The following APLF variants were observed in gnomAD, a reference collection of about 807,000 sequenced individuals.
The protein encoded by APLF is aprataxin and PNK-like factor.
In APLF, 61 loss-of-function variants were observed where a neutral mutation model predicts 55.6. The ratio of observed to expected loss-of-function variants is 1.10; its 90% CI spans 0.89 to 1.36. APLF has a LOEUF of 1.36. APLF is among the 40% of genes most tolerant of loss of function. APLF has a pLI of 0.00. For missense variants in APLF, 611 were observed against 602.5 expected (o/e 1.01, Z -0.15); for synonymous variants, 207 against 214.8 (o/e 0.96, Z 0.32).
intron 8 of APLF, among the ~76,000 whole-genome samples, chr2:68,559,832 A>G (rs1671118938): frequency 6.6e-6 from 1 of 152,146 alleles, no homozygotes; most frequent in African/African-American, 2.4e-5. Flanking sequence ...TTCTTTAAAG[A>G]TAAGTCGTTT....
intron 2 of APLF, among the ~76,000 whole-genome samples, chr2:68,494,728 C>T (rs1676487091): frequency 1.3e-5 from 2 of 152,102 alleles, no homozygotes; most frequent in Admixed American, 6.5e-5. Context: ...CATTCACCTC[C>T]CACTTATAAG....
intron 8 of APLF, among the ~76,000 whole-genome samples, chr2:68,565,931 A>G (rs1020183471): frequency 6.6e-6 from 1 of 152,092 alleles, no homozygotes; most frequent in African/African-American, 2.4e-5. Flanking sequence ...CAAGTTGGAA[A>G]GCACAAACCT....
chr2:68,547,651 A>G (rs942384068), intron 8 of APLF, among the ~76,000 whole-genome samples: 3 of 151,818 alleles, frequency 2.0e-5, no homozygotes, highest in Non-Finnish European at 4.4e-5. Context: ...CATCTGAAGA[A>G]AAAATAAAAT....
chr2:68,553,478 A>G (rs1040583554), intron 8 of APLF, among the ~76,000 whole-genome samples: 1 of 151,562 alleles, frequency 6.6e-6, no homozygotes, highest in Non-Finnish European at 1.5e-5. Flanking sequence ...TTTGTGAAGT[A>G]TATTATTTTT....
chr2:68,577,969 G>C lies in APLF; in HGVS notation c.1483G>C (p.Glu495Gln), dbSNP rs368781998. 3.1e-6 allele frequency: 5 copies of C among 1,613,358 alleles called. No homozygotes were observed. The highest frequency in any genetic ancestry group is 4.2e-6 in the Non-Finnish European group (5 of 1,179,668). Residue 495 changes from glutamate to glutamine, a missense_variant, in exon 10 of 10, where the codon GAA (glutamate) becomes CAA (glutamine). Coordinates refer to ENST00000303795, the MANE Select transcript of APLF (RefSeq NM_173545.3). ...WEPGKEDEEK[E>Q]DVEELLKEAK... Reference sequence around the variant, plus strand: ...ACCAGGAAAGGAAGATGAAGAGAAGGAAGATGTGGAAGAGCTTTTGAAAGA... The same window carrying C: ...ACCAGGAAAGGAAGATGAAGAGAAGCAAGATGTGGAAGAGCTTTTGAAAGA...
intron 3 of APLF, among the ~76,000 whole-genome samples, chr2:68,504,799 A>G (rs78402406): frequency 0.026 from 3,906 of 152,124 alleles, 67 homozygotes; most frequent in South Asian, 0.043. Flanking sequence ...GCAAGCCACA[A>G]AAGTGTCTAT....
intron 1 of APLF, among the ~76,000 whole-genome samples, chr2:68,482,624 G>C (rs2103891948): frequency 6.6e-6 from 1 of 152,298 alleles, no homozygotes; most frequent in East Asian, 1.9e-4. Flanking sequence ...GTGCAGACAT[G>C]TTGTGGTTTG....
At chr2:68,480,125 G>A (rs1455871604) in intron 1 of APLF, among the ~76,000 whole-genome samples, 1 of 152,036 alleles carries the variant, frequency 6.6e-6, no homozygotes, top group Non-Finnish European at 1.5e-5. Flanking sequence ...GGGGAGTCAA[G>A]GTTGGTTCCC....
At chr2:68,568,539 A>C (rs181771893) in intron 9 of APLF, among the ~76,000 whole-genome samples, 1 of 152,134 alleles carries the variant, frequency 6.6e-6, no homozygotes, top group African/African-American at 2.4e-5. Flanking sequence ...TGTGGCAGTT[A>C]TGGTAGTTTA....
At chr2:68,481,543 G>A (rs556477182) in intron 1 of APLF, among the ~76,000 whole-genome samples, 1 of 152,018 alleles carries the variant, frequency 6.6e-6, no homozygotes, top group East Asian at 1.9e-4. Flanking sequence ...TTTTCTCATT[G>A]TCTTTGACTT....
intron 9 of APLF, among the ~76,000 whole-genome samples, chr2:68,574,891 A>G (rs1671580490): frequency 6.6e-6 from 1 of 152,210 alleles, no homozygotes; most frequent in South Asian, 2.1e-4. Flanking sequence ...AAAGATGTTC[A>G]GTAGTTGATT....
chr2:68,496,513 C>T (rs1676552379), intron 2 of APLF, among the ~76,000 whole-genome samples: 1 of 152,178 alleles, frequency 6.6e-6, no homozygotes, highest in African/African-American at 2.4e-5. Flanking sequence ...CGTGGCTAGG[C>T]TACAAATTTA....
At chr2:68,520,258 T>C (rs1401031840) in intron 5 of APLF, among the ~76,000 whole-genome samples, 4 of 152,092 alleles carry the variant, frequency 2.6e-5, no homozygotes, top group African/African-American at 9.7e-5. Context: ...TCTCCCACTC[T>C]GTGAGTTGTC....
At chr2:68,512,952 G>A in intron 3 of APLF, 128 bp from the exon 4 acceptor site, 2 of 685,102 alleles carry the variant, frequency 2.9e-6, no homozygotes, top group South Asian at 4.2e-5. Context: ...ATATATTCTA[G>A]TATACTATAA....
At chr2:68,500,229 A>C (rs1006910370) in intron 2 of APLF, among the ~76,000 whole-genome samples, 1 of 152,192 alleles carries the variant, frequency 6.6e-6, no homozygotes, top group African/African-American at 2.4e-5. Context: ...ACGTTAGAGG[A>C]TCAAACATTA....
At chr2:68,552,741 A>C (rs1670899568) in intron 8 of APLF, among the ~76,000 whole-genome samples, 1 of 152,132 alleles carries the variant, frequency 6.6e-6, no homozygotes, top group Non-Finnish European at 1.5e-5. Context: ...GTCTTTTTAA[A>C]ATAGGTCAGA....
rs182461642 is a variant in APLF, at chr2:68,552,335, T to C, written c.1286+7023T>C. 1.7e-3 allele frequency among the ~76,000 whole-genome samples: 263 copies of C among 152,274 alleles called. 4 individuals are homozygous for C. Among genetic ancestry groups the C allele is most frequent in the African/African-American group, 6.2e-3 (256 of 41,572 alleles). ...GTTTGGGGCTCCATTTGTTTCCAGATGGTCATGACAACTCTATGAGAGCTC... is the reference window on the plus strand; with the variant it reads ...GTTTGGGGCTCCATTTGTTTCCAGACGGTCATGACAACTCTATGAGAGCTC... On this transcript the variant is annotated intron_variant, in intron 8 of 9. Coordinates refer to ENST00000303795, the MANE Select transcript of APLF (RefSeq NM_173545.3).
At chr2:68,492,530 TA>T (rs1184429144) in intron 2 of APLF, among the ~76,000 whole-genome samples, 2 of 152,144 alleles carry the variant, frequency 1.3e-5, no homozygotes, top group South Asian at 4.1e-4. Context: ...ATGCCCAAAT[TA>T]AAGGTGATTT....
chr2:68,528,500 G>T, intron 6 of APLF: 1 of 1,533,898 alleles, frequency 6.5e-7, no homozygotes, highest in Non-Finnish European at 8.7e-7. Context: ...TCTTTTGCGG[G>T]ACCTGTGGCC....
Sources: gnomAD v4.1 joint callset for allele counts (sites outside exome capture counted in the v4.1 genomes callset) on GRCh38, gnomAD v4.1.1 for gene constraint, MANE v1.5 for transcripts, NCBI Gene and HGNC (gene_info 2026-07-23, HGNC 2026-07-21) for gene names.